MGRN1: variants seen among roughly 807,000 people sequenced by gnomAD.
MGRN1 encodes the protein E3 ubiquitin-protein ligase MGRN1.
Under a neutral mutation model 69.2 loss-of-function variants are expected in MGRN1, and 29 were observed. That is an observed-to-expected ratio of 0.42 (90% confidence interval 0.31 to 0.57). The LOEUF is 0.57. Ranked by LOEUF, MGRN1 falls within the 20% of genes least tolerant of loss-of-function variation. The pLI is 0.15. For missense variants in MGRN1, 998 were observed against 796.2 expected, an observed-to-expected ratio of 1.25 and a Z score of -3.05; for synonymous variants, 470 against 344.2, an observed-to-expected ratio of 1.37 and a Z score of -4.04.
intron 1 of MGRN1, among the ~76,000 whole-genome samples, chr16:4,647,225 C>G (rs1298850652): frequency 6.6e-6 from 1 of 152,238 alleles, no homozygotes; most frequent in Admixed American, 6.5e-5. Flanking sequence ...GCAGGTGGCT[C>G]TGGGCCGGGC....
chr16:4,642,335 TCACC>T (rs1383812134), intron 1 of MGRN1, among the ~76,000 whole-genome samples: 6 of 152,016 alleles, frequency 3.9e-5, no homozygotes, highest in African/African-American at 1.4e-4. Context: ...TCGTCTTCTG[TCACC>T]CAGGCTGGAG....
chr16:4,631,496 TG>T (rs1251434469), intron 1 of MGRN1, among the ~76,000 whole-genome samples: 3 of 152,352 alleles, frequency 2.0e-5, no homozygotes, highest in Non-Finnish European at 4.4e-5. Flanking sequence ...TTGTCACAGC[TG>T]GGGGCATCTG....
chr16:4,629,147 C>CGTGTGT (rs1442184525), intron 1 of MGRN1, among the ~76,000 whole-genome samples: 1,268 of 48,672 alleles, frequency 0.026, 14 homozygotes, highest in Middle Eastern at 0.036. Flanking sequence ...GCTTTCTGTT[C>CGTGTGT]GTATGTGTGT....
chr16:4,652,896 T>G, intron 4 of MGRN1, 72 bp downstream of exon 4: 1 of 1,469,334 alleles, frequency 6.8e-7, no homozygotes, highest in Non-Finnish European at 9.0e-7. Flanking sequence ...TCTGTCCACC[T>G]TACTAACCAG....
intron 7 of MGRN1, among the ~76,000 whole-genome samples, chr16:4,665,470 G>A (rs1027768739): frequency 2.0e-5 from 3 of 151,092 alleles, no homozygotes; most frequent in African/African-American, 4.9e-5. Flanking sequence ...CTGGGTTCAA[G>A]CGATTCTCCC....
intron 1 of MGRN1, among the ~76,000 whole-genome samples, chr16:4,643,585 G>C (rs2078209405): frequency 6.6e-6 from 1 of 151,144 alleles, no homozygotes; most frequent in African/African-American, 2.4e-5. Flanking sequence ...TGTTAGCCAG[G>C]ATGGTCTCCA....
intron 16 of MGRN1, chr16:4,688,173 G>C (rs765314125): frequency 2.0e-5 from 20 of 985,460 alleles, no homozygotes; most frequent in Non-Finnish European, 2.0e-5. Flanking sequence ...GTGTCAGGCA[G>C]CCCTGAGGCC....
chr16:4,635,657 CAG>C (rs1898246194), intron 1 of MGRN1, among the ~76,000 whole-genome samples: 1 of 151,018 alleles, frequency 6.6e-6, no homozygotes, highest in African/African-American at 2.4e-5. Context: ...TTTTTTGAGA[CAG>C]AGTCTCGCAC....
chr16:4,648,581 G>C (rs370699061), intron 1 of MGRN1, among the ~76,000 whole-genome samples: 13 of 81,446 alleles, frequency 1.6e-4, no homozygotes, highest in African/African-American at 2.7e-4. Context: ...GGTCACCCGG[G>C]TCCTCCTCCC....
At chr16:4,683,032 T>G in intron 14 of MGRN1, 86 bp downstream of exon 14, 4 of 1,480,876 alleles carry the variant, frequency 2.7e-6, no homozygotes, top group Non-Finnish European at 3.6e-6. Flanking sequence ...CCCATCCCAC[T>G]GCCCGCCTGG....
chr16:4,686,405 C>A, intron 16 of MGRN1: 2 of 1,480,432 alleles, frequency 1.4e-6, no homozygotes, highest in Non-Finnish European at 1.8e-6. Flanking sequence ...GTTTTTGGGT[C>A]TTCGTCCGCA....
At position 4,671,168 on chromosome 16, in the gene MGRN1, A is replaced by T; in HGVS notation, c.727-223A>T. Reference sequence around the variant, plus strand: ...TGTGGGTTGGCTTCAGGCCCCCAGTAGTGGGGAGAGCCACCGGCTCCAGCC... The same window carrying T: ...TGTGGGTTGGCTTCAGGCCCCCAGTTGTGGGGAGAGCCACCGGCTCCAGCC... On this transcript the variant is annotated intron_variant, in intron 8 of 16. Transcript: ENST00000262370. The T allele has an allele frequency of 5.2e-6, 3 of 577,208 alleles. No individual in the cohort carries two copies. The South Asian group carries it at 6.1e-5, about 12-fold the overall frequency. The allele number at this position is 577,208 out of a possible 1,614,324, so 35.8% of individuals were successfully genotyped here. A position where few individuals can be genotyped will look rare whatever the true frequency, so the allele number is the denominator to read the frequency against.
At chr16:4,646,615 C>T (rs1007497495) in intron 1 of MGRN1, among the ~76,000 whole-genome samples, 1 of 152,128 alleles carries the variant, frequency 6.6e-6, no homozygotes, top group African/African-American at 2.4e-5. Flanking sequence ...CCCCCAGAGC[C>T]TTAGAAGCCA....
intron 11 of MGRN1, among the ~76,000 whole-genome samples, chr16:4,679,117 T>G (rs2079119537): frequency 6.6e-6 from 1 of 152,218 alleles, no homozygotes; most frequent in African/African-American, 2.4e-5. Context: ...CTTTTGATGT[T>G]GGCTTTGATT....
intron 5 of MGRN1, among the ~76,000 whole-genome samples, chr16:4,658,678 C>T (rs1256659062): frequency 1.3e-5 from 2 of 151,704 alleles, no homozygotes; most frequent in South Asian, 4.2e-4. Context: ...CGTTTAGCCA[C>T]TCTCTGTAAA....
rs770144577 is a variant in MGRN1, at chr16:4,625,006, G to C, written c.46G>C (p.Asp16His). The C allele has an allele frequency of 1.3e-6, 2 of 1,560,684 alleles. No homozygotes were observed. Among genetic ancestry groups the C allele is most frequent in the Non-Finnish European group, 1.7e-6 (2 of 1,155,878 alleles). The change falls in exon 1 of 17, where the codon GAC becomes CAC. Residue 16 changes from aspartate to histidine, a missense_variant. By Grantham distance (81) the Asp-to-His change is moderately conservative (BLOSUM62 -1). Transcript: ENST00000262370. The stretch of plus-strand genomic sequence containing the variant: ...CCGCATCGCGGGGGTGGAGGACATC[G>C]ACATCCAGGCGAACTCGGCCTATCG... ...SRRIAGVEDI[D>H]IQANSAYRYP...
At chr16:4,650,052 C>T (rs984262437) in intron 1 of MGRN1, 7 of 222,354 alleles carry the variant, frequency 3.1e-5, no homozygotes, top group African/African-American at 1.6e-4. Flanking sequence ...CCTGTAATCC[C>T]AGAACCTTGG....
At chr16:4,665,399 CTG>C (rs1567212376) in intron 7 of MGRN1, among the ~76,000 whole-genome samples, 1 of 150,788 alleles carries the variant, frequency 6.6e-6, no homozygotes, top group Non-Finnish European at 1.5e-5. Context: ...CGGGCTCACT[CTG>C]TCACCCAGGC....
At chr16:4,678,129 G>C (rs2079093954) in intron 11 of MGRN1, among the ~76,000 whole-genome samples, 1 of 152,346 alleles carries the variant, frequency 6.6e-6, no homozygotes, top group Middle Eastern at 3.4e-3. Context: ...TTACAGGCCT[G>C]AGCCACCGCC....
Sources: gnomAD v4.1 joint callset for allele counts (sites outside exome capture counted in the v4.1 genomes callset) on GRCh38, gnomAD v4.1.1 for gene constraint, MANE v1.5 for transcripts, NCBI Gene and HGNC (gene_info 2026-07-23, HGNC 2026-07-21) for gene names.